WDR45B: variants seen among roughly 807,000 people sequenced by gnomAD.
WDR45B encodes WD repeat domain 45B.
Under a neutral mutation model 44.6 loss-of-function variants are expected in WDR45B, and 20 were observed. The observed-to-expected ratio is 0.45, with a 90% CI of 0.32 to 0.65. The LOEUF is 0.65. Ranked by LOEUF, WDR45B falls within the 30% of genes least tolerant of loss-of-function variation. The probability of loss-of-function intolerance (pLI) is 0.05; values close to 1 mark genes in which losing one functional copy is unlikely to be tolerated. For synonymous variants in WDR45B, 169 were observed against 164.9 expected, an observed-to-expected ratio of 1.02 and a Z score of -0.19; for missense variants, 323 against 430.2, an observed-to-expected ratio of 0.75 and a Z score of 2.20.
chr17:82,647,462 AC>A (rs1001166207), intron 1 of WDR45B, among the ~76,000 whole-genome samples: 1 of 152,098 alleles, frequency 6.6e-6, no homozygotes, highest in African/African-American at 2.4e-5. Flanking sequence ...CGGGAATCCG[AC>A]CGCGCCGCCC....
intron 6 of WDR45B, 144 bp from the exon 7 acceptor site, chr17:82,619,272 C>T: frequency 1.3e-6 from 1 of 799,790 alleles, no homozygotes; most frequent in Non-Finnish European, 2.1e-6. Flanking sequence ...ACTTTCTCCT[C>T]CAACTGCCAG....
intron 6 of WDR45B, among the ~76,000 whole-genome samples, chr17:82,620,068 C>T (rs1014424423): frequency 6.6e-6 from 1 of 152,204 alleles, no homozygotes; most frequent in African/African-American, 2.4e-5. Flanking sequence ...ACCAAAAATA[C>T]AGAGGAACCG....
intron 2 of WDR45B, among the ~76,000 whole-genome samples, chr17:82,640,969 G>GT (rs398031785): frequency 4.1e-4 from 54 of 131,850 alleles, no homozygotes; most frequent in Non-Finnish European, 4.7e-4. Flanking sequence ...TCTTGTCTGG[G>GT]TTTTTTTTTT....
intron 8 of WDR45B, among the ~76,000 whole-genome samples, chr17:82,616,930 G>C (rs956327035): frequency 6.6e-6 from 1 of 152,070 alleles, no homozygotes; most frequent in Non-Finnish European, 1.5e-5. Context: ...CGATTCTCCT[G>C]CCTCAGCCTC....
At chr17:82,626,668 T>C (rs2045702801) in intron 4 of WDR45B, 1 of 156,164 alleles carries the variant, frequency 6.4e-6, no homozygotes, top group East Asian at 1.8e-4. Context: ...TCATATTAAA[T>C]AAAAACCCAA....
Position 82,630,966 on chromosome 17 carries a change from C to T in WDR45B, c.199G>A (p.Ala67Thr), listed in dbSNP as rs138151505. The change falls in exon 3 of 10, where the codon GCT becomes ACT. Residue 67 changes from alanine to threonine, a missense_variant. Transcript: ENST00000392325. ...VEMLFRCNYL[A>T]LVGGGKKPKY... ...GGCTTTTTTCCACCACCAACTAAAG[C>T]TAAATAGTTGCAGCGAAATAACATT... The T allele has an allele frequency of 6.2e-7, 1 of 1,613,368 alleles. No homozygotes were observed. The highest frequency in any genetic ancestry group is 1.3e-5 in the African/African-American group (1 of 75,020).
Position 82,645,736 on chromosome 17 carries a change from T to C in WDR45B, c.68-1713A>G, listed in dbSNP as rs9916761. The stretch of plus-strand genomic sequence containing the variant: ...ACTCTTATTACTCATATTATGCTTA[T>C]GGTAGCCAAAAACTGGAACGTACCC... On this transcript the variant is annotated intron_variant, in intron 1 of 9. Transcript: ENST00000392325. Among the ~76,000 whole-genome samples, 62 of 152,356 alleles carry C rather than the reference T, an allele frequency of 4.1e-4. 1 individual carries two copies. The highest frequency in any genetic ancestry group is 1.4e-3 in the African/African-American group (58 of 41,588).
intron 2 of WDR45B, among the ~76,000 whole-genome samples, chr17:82,632,179 A>AAAAG (rs1380016474): frequency 6.6e-6 from 1 of 152,024 alleles, no homozygotes; most frequent in Non-Finnish European, 1.5e-5. Flanking sequence ...TTTTTTTTTA[A>AAAAG]GAAACAGGGT....
intron 5 of WDR45B, among the ~76,000 whole-genome samples, chr17:82,624,330 C>T (rs2045662553): frequency 6.6e-6 from 1 of 152,200 alleles, no homozygotes; most frequent in African/African-American, 2.4e-5. Flanking sequence ...GGCACAATCT[C>T]GGCTCACCGC....
intron 2 of WDR45B, among the ~76,000 whole-genome samples, chr17:82,631,696 GTCA>G (rs1211721287): frequency 6.0e-5 from 9 of 150,988 alleles, no homozygotes; most frequent in South Asian, 2.1e-4. Context: ...TCAGTTTACT[GTCA>G]TCATGTTCAC....
rs180865457 is a variant in WDR45B at position 82,624,861 on chromosome 17, G to A, written c.427+528C>T. On this transcript the variant is annotated intron_variant, in intron 5 of 9. Coordinates refer to ENST00000392325, the MANE Select transcript of WDR45B (RefSeq NM_019613.4). ...TCTTAATCTCCTGACCTTGTGATCCGCCCGCCTCGGCCTCCCAAAGTGCTG... is the reference window on the plus strand; with the variant it reads ...TCTTAATCTCCTGACCTTGTGATCCACCCGCCTCGGCCTCCCAAAGTGCTG... Among the ~76,000 whole-genome samples, 361 of 151,072 alleles carry A rather than the reference G, an allele frequency of 2.4e-3. 13 individuals carry two copies. In the East Asian group the frequency reaches 0.06, roughly 25 times the overall value.
intron 3 of WDR45B, among the ~76,000 whole-genome samples, chr17:82,630,166 G>A (rs1286881610): frequency 2.0e-5 from 3 of 151,972 alleles, no homozygotes; most frequent in Non-Finnish European, 1.5e-5. Flanking sequence ...CCATCCTCTG[G>A]TGTCTCTTCA....
At position 82,616,532 on chromosome 17, in the gene WDR45B, G is replaced by A; in HGVS notation, c.920C>T (p.Ala307Val). Residue 307 changes from alanine (A) to valine (V), a missense_variant, in exon 9 of 10, where the codon GCC (alanine) becomes GTC (valine). Transcript: ENST00000392325. ...CICAFGTEPNAVIAICADGSY... is the reference protein window; with the variant it reads ...CICAFGTEPNVVIAICADGSY... Reference sequence around the variant, plus strand: ...CAGGAAGGACCACTCACCAATGACGGCGTTTGGCTCTGTTCCAAAGGCACA... The same window carrying A: ...CAGGAAGGACCACTCACCAATGACGACGTTTGGCTCTGTTCCAAAGGCACA... 6.2e-7 allele frequency: 1 copy of A among 1,614,158 alleles called. No individual in the cohort carries two copies. Among genetic ancestry groups the A allele is most frequent in the Non-Finnish European group, 8.5e-7 (1 of 1,180,024 alleles).
At position 82,628,510 on chromosome 17, in the gene WDR45B, G is replaced by A. The variant is rs564581697; in HGVS notation, c.245-1219C>T. On this transcript the variant is annotated intron_variant, in intron 3 of 9. Transcript: ENST00000392325. ...TCCCAGCACTTTGGGAGGCTGGGGT[G>A]TGAGATCGCTTGAGGCCAAGAGTTC... Among the ~76,000 whole-genome samples the A allele has an allele frequency of 3.3e-5, 5 of 152,026 alleles. No homozygotes were observed. In the East Asian group the frequency reaches 7.8e-4, roughly 24 times the overall value.
chr17:82,617,218 G>A, intron 8 of WDR45B, 78 bp downstream of exon 8: 3 of 1,334,512 alleles, frequency 2.2e-6, no homozygotes, highest in Non-Finnish European at 2.1e-6. Flanking sequence ...GGGGTGGGGG[G>A]CCTGTCCCGT....
At chr17:82,639,466 A>G (rs534038377) in intron 2 of WDR45B, among the ~76,000 whole-genome samples, 10 of 152,082 alleles carry the variant, frequency 6.6e-5, no homozygotes, top group African/African-American at 2.2e-4. Flanking sequence ...CCAGGTTACC[A>G]AACTTCCCCT....
At chr17:82,623,166 CG>C (rs947097663) in intron 5 of WDR45B, among the ~76,000 whole-genome samples, 48 of 148,982 alleles carry the variant, frequency 3.2e-4, no homozygotes, top group African/African-American at 1.1e-3. Flanking sequence ...CCAAGGAAGG[CG>C]GATCACCTGA....
intron 2 of WDR45B, among the ~76,000 whole-genome samples, chr17:82,635,790 TAAAGA>T (rs1413158144): frequency 6.6e-6 from 1 of 151,836 alleles, no homozygotes; most frequent in Non-Finnish European, 1.5e-5. Context: ...AATGGTTAAG[TAAAGA>T]AATGTTGGCT....
chr17:82,640,783 C>T (rs906437614), intron 2 of WDR45B, among the ~76,000 whole-genome samples: 5 of 152,134 alleles, frequency 3.3e-5, no homozygotes, highest in Admixed American at 3.3e-4. Context: ...CTCACATAAG[C>T]TGGAAACGGG....
Sources: allele counts gnomAD v4.1 joint callset (sites outside exome capture counted in the v4.1 genomes callset), GRCh38; gene constraint gnomAD v4.1.1; transcripts MANE v1.5; gene names NCBI Gene and HGNC (gene_info 2026-07-23, HGNC 2026-07-21).